CERS6: variants seen among roughly 807,000 people sequenced by gnomAD.
The protein encoded by CERS6 is ceramide synthase 6.
In CERS6, 26 loss-of-function variants were observed where a neutral mutation model predicts 56.8. That is an observed-to-expected ratio of 0.46 (90% confidence interval 0.34 to 0.63). The LOEUF is 0.63. Ranked by LOEUF, CERS6 falls within the 30% of genes least tolerant of loss-of-function variation. CERS6 has a pLI of 0.01. For missense variants in CERS6, 415 were observed against 467.5 expected (o/e 0.89, Z 1.04); for synonymous variants, 164 against 173.3 (o/e 0.95, Z 0.42).
intron 1 of CERS6, among the ~76,000 whole-genome samples, chr2:168,486,524 G>GTTTTTT (rs760111727): frequency 8.3e-6 from 1 of 120,102 alleles, no homozygotes. Context: ...ATTTGGTTTT[G>GTTTTTT]TTTTTTTTTT....
intron 3 of CERS6, among the ~76,000 whole-genome samples, chr2:168,630,507 G>T (rs1217242916): frequency 6.6e-6 from 1 of 152,026 alleles, no homozygotes; most frequent in East Asian, 1.9e-4. Flanking sequence ...CCTTCCTTTA[G>T]CAACATCCAC....
chr2:168,757,053 A>G lies in CERS6; in HGVS notation c.846-8539A>G, dbSNP rs78627265. ...ATATGAGGATCTTACAGAGATGTTG[A>G]ATGGGCAAAATGAAGCAATATATGT... On this transcript the variant is annotated intron_variant, in intron 8 of 9. Transcript: ENST00000305747. Among the ~76,000 whole-genome samples the G allele has an allele frequency of 9.8e-5, 15 of 152,326 alleles. No individual in the cohort carries two copies. The East Asian group carries it at 2.9e-3, about 29-fold the overall frequency.
chr2:168,532,569 T>C (rs1023850886), intron 1 of CERS6, among the ~76,000 whole-genome samples: 5 of 152,158 alleles, frequency 3.3e-5, no homozygotes, highest in African/African-American at 1.2e-4. Flanking sequence ...AGCCCTTTGC[T>C]AGAAGAGCCC....
At chr2:168,503,157 C>T (rs1394380101) in intron 1 of CERS6, among the ~76,000 whole-genome samples, 1 of 152,118 alleles carries the variant, frequency 6.6e-6, no homozygotes, top group Non-Finnish European at 1.5e-5. Context: ...TTCTCTCTCT[C>T]GCCTGCCACC....
intron 1 of CERS6, among the ~76,000 whole-genome samples, chr2:168,483,153 G>T (rs1211265664): frequency 6.6e-6 from 1 of 152,168 alleles, no homozygotes; most frequent in African/African-American, 2.4e-5. Flanking sequence ...TATTCTTAGA[G>T]CCTTACATAG....
At chr2:168,741,398 C>T (rs1028461101) in intron 8 of CERS6, among the ~76,000 whole-genome samples, 7 of 145,686 alleles carry the variant, frequency 4.8e-5, no homozygotes, top group African/African-American at 1.5e-4. Context: ...AAAAAAAAGA[C>T]AAACTTAGCT....
At chr2:168,510,159 C>A (rs1055211789) in intron 1 of CERS6, among the ~76,000 whole-genome samples, 1 of 150,366 alleles carries the variant, frequency 6.7e-6, no homozygotes, top group Non-Finnish European at 1.5e-5. Context: ...AGAATCTGAT[C>A]CCATGTATTT....
intron 1 of CERS6, among the ~76,000 whole-genome samples, chr2:168,491,394 T>C (rs1387694416): frequency 6.6e-6 from 1 of 152,204 alleles, no homozygotes; most frequent in East Asian, 1.9e-4. Flanking sequence ...TCTTTATATT[T>C]GACTTTATAT....
At position 168,629,816 on chromosome 2, in the gene CERS6, T is replaced by G. The variant is rs192497461; in HGVS notation, c.408-1169T>G. On this transcript the variant is annotated intron_variant, in intron 3 of 9. Coordinates refer to ENST00000305747, the MANE Select transcript of CERS6 (RefSeq NM_203463.3). ...ATGGAGTTAAAATTAAGTTCTTAACTTTTTTTCTTTTTTTTTTGAGATGGA... is the reference window on the plus strand; with the variant it reads ...ATGGAGTTAAAATTAAGTTCTTAACGTTTTTTCTTTTTTTTTTGAGATGGA... Among the ~76,000 whole-genome samples the G allele has an allele frequency of 4.3e-3, 649 of 152,100 alleles. 7 individuals are homozygous for G. Among genetic ancestry groups the G allele is most frequent in the South Asian group, 0.021 (103 of 4,818 alleles).
In CERS6 at chr2:168,769,541, C is replaced by T; in HGVS notation, c.1034C>T (p.Ser345Phe). ...VSKDDRSDIE[S>F]SSDEEDSEPP... ...AAGGATGATCGAAGTGATATTGAGT[C>T]TAGCTCAGATGAGGAGGACTCAGAA... Residue 345 changes from serine to phenylalanine, a missense_variant, in exon 10 of 10, where the codon TCT becomes TTT. Ser to Phe is a radical substitution (Grantham distance 155). Coordinates refer to ENST00000305747, the MANE Select transcript of CERS6 (RefSeq NM_203463.3). 6.2e-7 allele frequency: 1 copy of T among 1,610,624 alleles called. No homozygotes were observed. Among genetic ancestry groups the T allele is most frequent in the Non-Finnish European group, 8.5e-7 (1 of 1,179,012 alleles).
At chr2:168,629,129 A>G (rs4668079) in intron 3 of CERS6, among the ~76,000 whole-genome samples, 48,338 of 152,076 alleles carry the variant, frequency 0.32, 8,455 homozygotes, top group South Asian at 0.48. Context: ...AGGCATCAGT[A>G]TTCCTATAAT....
chr2:168,683,387 T>C (rs1686266871), intron 4 of CERS6, among the ~76,000 whole-genome samples: 1 of 152,220 alleles, frequency 6.6e-6, no homozygotes, highest in Admixed American at 6.5e-5. Context: ...GTGTTGCCTG[T>C]TTGTATCTTC....
chr2:168,684,217 C>G (rs941023020), intron 4 of CERS6, among the ~76,000 whole-genome samples: 2 of 152,162 alleles, frequency 1.3e-5, no homozygotes, highest in Non-Finnish European at 2.9e-5. Context: ...GGAGAACTTT[C>G]AAGGCTAATG....
At chr2:168,575,719 T>C (rs559522839) in intron 3 of CERS6, among the ~76,000 whole-genome samples, 9 of 152,254 alleles carry the variant, frequency 5.9e-5, no homozygotes, top group African/African-American at 2.2e-4. Context: ...CAAGTTTTTA[T>C]TCTTTTCCTA....
chr2:168,533,959 A>C (rs1264211341), intron 1 of CERS6, among the ~76,000 whole-genome samples: 2 of 151,464 alleles, frequency 1.3e-5, no homozygotes, highest in Non-Finnish European at 2.9e-5. Context: ...GCCTTATTTC[A>C]GTAGGGCGGT....
At chr2:168,759,709 T>C (rs1447410736) in intron 8 of CERS6, among the ~76,000 whole-genome samples, 1 of 152,174 alleles carries the variant, frequency 6.6e-6, no homozygotes, top group African/African-American at 2.4e-5. Context: ...AGAACTATTA[T>C]ACAGTTCTTT....
rs1693667277 is a variant in CERS6 at position 168,456,688 on chromosome 2, T to C, written c.170+70T>C. 6.8e-7 allele frequency: 1 copy of C among 1,464,010 alleles called. No homozygotes were observed. 90.7% of individuals were successfully genotyped at this position (1,464,010 alleles called of 1,614,324 possible). A position where few individuals can be genotyped will look rare whatever the true frequency, so the allele number is the denominator to read the frequency against. ...CACGCGCGCACACACTCGCGCGCTC[T>C]CTGGCGCACGCCCCCGCGCCCCCAA... On this transcript the variant is annotated intron_variant, in intron 1 of 9. Coordinates refer to ENST00000305747, the MANE Select transcript of CERS6 (RefSeq NM_203463.3). The surrounding 1 kb of genome is among the most constrained non-coding windows in gnomAD (Gnocchi z 4.1).
intron 1 of CERS6, among the ~76,000 whole-genome samples, chr2:168,536,756 GTAGCATGTGGGGGAGGGA>G (rs1401080725): frequency 2.0e-5 from 3 of 151,956 alleles, no homozygotes; most frequent in African/African-American, 7.2e-5. Flanking sequence ...GAAAGATCTG[GTAGCATGTGGGGGAGGGA>G]TAGCAGAAAA....
intron 8 of CERS6, among the ~76,000 whole-genome samples, chr2:168,742,564 G>A (rs941695831): frequency 1.3e-5 from 2 of 152,134 alleles, no homozygotes; most frequent in African/African-American, 2.4e-5. Flanking sequence ...AAATGCATGC[G>A]ATCATTGCAC....
Sources: allele counts gnomAD v4.1 joint callset (sites outside exome capture counted in the v4.1 genomes callset), GRCh38; gene constraint gnomAD v4.1.1; non-coding constraint Gnocchi (gnomAD v3.1); transcripts MANE v1.5; gene names NCBI Gene and HGNC (gene_info 2026-07-23, HGNC 2026-07-21).